TTC23L: variants seen among roughly 807,000 people sequenced by gnomAD.
The protein encoded by TTC23L is tetratricopeptide repeat protein 23-like.
Under a neutral mutation model 48.1 loss-of-function variants are expected in TTC23L, and 42 were observed. The ratio of observed to expected loss-of-function variants is 0.87; its 90% CI spans 0.68 to 1.13. TTC23L has a LOEUF of 1.13. TTC23L is among the 50% of genes most tolerant of loss of function. TTC23L has a pLI of 0.00. For missense variants in TTC23L, 391 were observed against 421.0 expected (o/e 0.93, Z 0.62); for synonymous variants, 159 against 157.2 (o/e 1.01, Z -0.09).
intron 9 of TTC23L, among the ~76,000 whole-genome samples, chr5:34,889,827 G>GT (rs1162894392): frequency 2.0e-5 from 3 of 150,728 alleles, no homozygotes; most frequent in African/African-American, 5.0e-5. Flanking sequence ...TATTAGGTGG[G>GT]GTTTTTTTTT....
intron 9 of TTC23L, among the ~76,000 whole-genome samples, chr5:34,893,737 C>G (rs115177341): frequency 2.0e-5 from 3 of 151,874 alleles, no homozygotes; most frequent in Admixed American, 6.6e-5. Context: ...TTAGGGATCA[C>G]GCAGAAAGAG....
rs372923024 is a variant in TTC23L at position 34,880,072 on chromosome 5, G to C, written c.950-109G>C. 10 of 1,357,518 alleles carry C rather than the reference G, an allele frequency of 7.4e-6. No homozygotes were observed. In the East Asian group the frequency reaches 2.3e-4, roughly 32 times the overall value. The allele number at this position is 1,357,518 out of a possible 1,614,324, so 84.1% of individuals were successfully genotyped here. A position where few individuals can be genotyped will look rare whatever the true frequency, so the allele number is the denominator to read the frequency against. ...AAAGAGTCCTTATGAGACCTGGCTT[G>C]AGAACAAGCATGGACTTTAAGCATG... On this transcript the variant is annotated intron_variant, in intron 8 of 10. Coordinates refer to ENST00000505624, the Ensembl canonical transcript of TTC23L.
At chr5:34,914,939 C>G in the TTC23L span, 4 of 1,603,692 alleles carry the variant, frequency 2.5e-6, no homozygotes, top group African/African-American at 4.0e-5. Context: ...GGGCCAACAA[C>G]TTCTCGGCGG....
At chr5:34,870,632 A>G (rs1005443031) in intron 8 of TTC23L, among the ~76,000 whole-genome samples, 20 of 152,342 alleles carry the variant, frequency 1.3e-4, no homozygotes, top group African/African-American at 4.8e-4. Context: ...AAAACTGGGC[A>G]AAGACATTAC....
At chr5:34,902,096 C>CA (rs1439926448), downstream of TTC23L, among the ~76,000 whole-genome samples, 2 of 152,138 alleles carry the variant, frequency 1.3e-5, no homozygotes, top group Non-Finnish European at 2.9e-5. Context: ...ATTTTTCTCT[C>CA]TTCATCTTTT....
At chr5:34,884,145 G>A (rs989283421) in intron 9 of TTC23L, among the ~76,000 whole-genome samples, 2 of 151,966 alleles carry the variant, frequency 1.3e-5, no homozygotes, top group Non-Finnish European at 2.9e-5. Context: ...ACAGAATGAA[G>A]GATAAAAGTC....
chr5:34,851,764 A>C (rs143908974), intron 4 of TTC23L, among the ~76,000 whole-genome samples: 357 of 152,264 alleles, frequency 2.3e-3, no homozygotes, highest in African/African-American at 8.2e-3. Context: ...ATAAGAGTCA[A>C]ATTTAGGGAT....
intron 4 of TTC23L, among the ~76,000 whole-genome samples, chr5:34,857,521 A>G (rs1218578566): frequency 6.6e-6 from 1 of 152,198 alleles, no homozygotes. Flanking sequence ...CCTGATACCT[A>G]CCTGAAGTGA....
intron 9 of TTC23L, among the ~76,000 whole-genome samples, chr5:34,891,632 G>GTAATAA (rs1762872618): frequency 6.6e-6 from 1 of 152,170 alleles, no homozygotes; most frequent in South Asian, 2.1e-4. Flanking sequence ...TGCTCTGAAG[G>GTAATAA]TAATAATAAT....
the TTC23L span, chr5:34,911,610 C>T: frequency 6.2e-7 from 1 of 1,614,104 alleles, no homozygotes; most frequent in Non-Finnish European, 8.5e-7. Context: ...TCGTCATATC[C>T]AATTCAGAAA....
At chr5:34,853,923 A>G (rs77161968) in intron 4 of TTC23L, among the ~76,000 whole-genome samples, 65 of 152,266 alleles carry the variant, frequency 4.3e-4, no homozygotes, top group African/African-American at 1.4e-3. Flanking sequence ...TTTGAGAGGG[A>G]GATTTCTCTG....
intron 3 of TTC23L, 162 bp downstream of exon 3, chr5:34,845,835 C>T (rs961717983): frequency 4.4e-6 from 3 of 687,774 alleles, no homozygotes; most frequent in South Asian, 2.1e-5. Context: ...AGGTAGCCAG[C>T]CCACCTTCTG....
chr5:34,868,647 A>G (rs1761228783), intron 7 of TTC23L: 1 of 317,976 alleles, frequency 3.1e-6, no homozygotes, highest in Admixed American at 4.1e-5. Context: ...AATAAAAATT[A>G]TACTAGCCAA....
chr5:34,919,474 C>T, the TTC23L span, among the ~76,000 whole-genome samples: 1 of 151,944 alleles, frequency 6.6e-6, no homozygotes. Flanking sequence ...TTTTCTTTGA[C>T]ACCTAAGATT....
intron 5 of TTC23L, among the ~76,000 whole-genome samples, chr5:34,864,081 C>G (rs1238159394): frequency 1.3e-5 from 2 of 152,180 alleles, no homozygotes; most frequent in Non-Finnish European, 2.9e-5. Context: ...ATTAGTTCCT[C>G]TCTTTTACCA....
chr5:34,915,889 G>T, the TTC23L span: 8 of 1,553,814 alleles, frequency 5.1e-6, no homozygotes, highest in South Asian at 9.5e-5. Context: ...CCCAGGCCCC[G>T]TTTGCAAGGT....
chr5:34,900,553 G>C (rs1763481975), downstream of TTC23L, among the ~76,000 whole-genome samples: 1 of 151,984 alleles, frequency 6.6e-6, no homozygotes, highest in Non-Finnish European at 1.5e-5. Flanking sequence ...TGTATTTATT[G>C]ATTCCGTTAA....
downstream of TTC23L, among the ~76,000 whole-genome samples, chr5:34,904,391 C>T (rs1021338402): frequency 6.6e-6 from 1 of 151,094 alleles, no homozygotes; most frequent in African/African-American, 2.4e-5. Flanking sequence ...GTCAAAAGAT[C>T]GAGACCATCC....
intron 2 of TTC23L, among the ~76,000 whole-genome samples, chr5:34,842,691 G>A (rs557779186): frequency 1.8e-4 from 27 of 152,270 alleles, no homozygotes; most frequent in Non-Finnish European, 3.2e-4. Flanking sequence ...TAACCTCAGC[G>A]CTAGGGAGTG....
Sources: allele counts gnomAD v4.1 joint callset (sites outside exome capture counted in the v4.1 genomes callset), GRCh38; gene constraint gnomAD v4.1.1; transcripts MANE v1.5; gene names NCBI Gene and HGNC (gene_info 2026-07-23, HGNC 2026-07-21).